The following PAN3 variants were observed in gnomAD, a reference collection of about 807,000 sequenced individuals.
PAN3 encodes the protein poly(A) specific ribonuclease subunit PAN3, also known as PAN2-PAN3 deadenylation complex subunit PAN3.
In PAN3, 19 loss-of-function variants were observed where a neutral mutation model predicts 96.2. The ratio of observed to expected loss-of-function variants is 0.20; its 90% CI spans 0.14 to 0.29. The LOEUF is 0.29. PAN3 is among the 10% of genes least tolerant of loss of function. PAN3 has a pLI of 1.00. For synonymous variants in PAN3, 433 were observed against 406.6 expected, an observed-to-expected ratio of 1.06 and a Z score of -0.78; for missense variants, 882 against 1,108.1, an observed-to-expected ratio of 0.80 and a Z score of 2.90.
At chr13:28,158,881 A>G in intron 1 of PAN3, among the ~76,000 whole-genome samples, 1 of 148,916 alleles carries the variant, frequency 6.7e-6, no homozygotes, top group African/African-American at 2.4e-5. Context: ...CCATCTCAGA[A>G]AAAAAAAAAA....
chr13:28,141,462 C>CTTTTTTTTTTTTTTTTTTT (rs759736683), intron 1 of PAN3, among the ~76,000 whole-genome samples: 2 of 90,350 alleles, frequency 2.2e-5, no homozygotes, highest in Non-Finnish European at 4.3e-5. Flanking sequence ...TTCTTTTTTT[C>CTTTTTTTTTTTTTTTTTTT]TTTTTTTTTT....
intron 6 of PAN3, among the ~76,000 whole-genome samples, chr13:28,221,646 CTT>C (rs1158475085): frequency 6.6e-6 from 1 of 152,074 alleles, no homozygotes; most frequent in Non-Finnish European, 1.5e-5. Context: ...CCCCACCATT[CTT>C]TCTCTTACTA....
intron 4 of PAN3, among the ~76,000 whole-genome samples, chr13:28,188,591 G>A (rs1876798731): frequency 6.6e-6 from 1 of 150,926 alleles, no homozygotes; most frequent in South Asian, 2.1e-4. Context: ...ACAGAAGACT[G>A]TCTAGAAAAA....
intron 17 of PAN3, among the ~76,000 whole-genome samples, chr13:28,281,780 T>C (rs1887490853): frequency 6.6e-6 from 1 of 151,120 alleles, no homozygotes; most frequent in Admixed American, 6.6e-5. Flanking sequence ...TTTTTTTTTT[T>C]TTTTTTCTTG....
chr13:28,160,815 G>A (rs375527358), intron 1 of PAN3, among the ~76,000 whole-genome samples: 1 of 152,104 alleles, frequency 6.6e-6, no homozygotes, highest in East Asian at 1.9e-4. Context: ...GAACTATATC[G>A]TTAGTTCTTT....
At chr13:28,187,725 A>G (rs1179056953) in intron 4 of PAN3, among the ~76,000 whole-genome samples, 4 of 152,050 alleles carry the variant, frequency 2.6e-5, no homozygotes, top group African/African-American at 9.7e-5. Context: ...CTCATTTTTT[A>G]CGTATTTTTG....
At chr13:28,249,214 C>A (rs914593127) in intron 6 of PAN3, among the ~76,000 whole-genome samples, 1 of 152,112 alleles carries the variant, frequency 6.6e-6, no homozygotes, top group African/African-American at 2.4e-5. Context: ...GCATAAGAAG[C>A]CATTGCTCGA....
chr13:28,199,790 G>A (rs982843614), intron 5 of PAN3, among the ~76,000 whole-genome samples: 1 of 151,192 alleles, frequency 6.6e-6, no homozygotes, highest in Non-Finnish European at 1.5e-5. Context: ...TTGTGTTTTC[G>A]ACATATACTA....
chr13:28,263,747 ACT>A (rs1406113926), intron 9 of PAN3, among the ~76,000 whole-genome samples: 1 of 152,066 alleles, frequency 6.6e-6, no homozygotes, highest in African/African-American at 2.4e-5. Flanking sequence ...GAACTCTAAA[ACT>A]CTTTCTGTAA....
At chr13:28,190,887 A>C (rs2138193093) in intron 4 of PAN3, among the ~76,000 whole-genome samples, 1 of 152,340 alleles carries the variant, frequency 6.6e-6, no homozygotes. Context: ...GGGGATTGGG[A>C]ATTTTGTTAT....
chr13:28,239,221 A>G (rs1883417749), intron 6 of PAN3, among the ~76,000 whole-genome samples: 1 of 141,150 alleles, frequency 7.1e-6, no homozygotes, highest in Admixed American at 7.5e-5. Context: ...ACACACACAC[A>G]CGGAAAGTAA....
chr13:28,197,328 C>T lies in PAN3; in HGVS notation c.834C>T (p.Val278=). The T allele has an allele frequency of 6.2e-7, 1 of 1,602,126 alleles. No homozygotes were observed. The highest frequency in any genetic ancestry group is 8.5e-7 in the Non-Finnish European group (1 of 1,174,542). The change falls in exon 5 of 19, where the codon GTC becomes GTT. Residue 278 remains valine, a synonymous_variant. Coordinates refer to ENST00000380958, the MANE Select transcript of PAN3 (RefSeq NM_175854.8). Reference sequence around the variant, plus strand: ...TCAATATGGTTTGGTGGAACAGAGTCACAGAAAACAATTTACAGGTAAAAA... The same window carrying T: ...TCAATATGGTTTGGTGGAACAGAGTTACAGAAAACAATTTACAGGTAAAAA... ...VPINMVWWNR[V]TENNLQTPNP...
At chr13:28,242,391 A>T (rs1464192132) in intron 6 of PAN3, among the ~76,000 whole-genome samples, 1 of 152,086 alleles carries the variant, frequency 6.6e-6, no homozygotes, top group Non-Finnish European at 1.5e-5. Context: ...CAACAAAATT[A>T]TTTTTTTGAA....
chr13:28,170,012 A>C (rs1309077924), intron 1 of PAN3, among the ~76,000 whole-genome samples: 1 of 152,098 alleles, frequency 6.6e-6, no homozygotes, highest in Non-Finnish European at 1.5e-5. Context: ...ACACCACTGC[A>C]CTCTAGCCTG....
At chr13:28,224,023 C>A (rs1052975939) in intron 6 of PAN3, among the ~76,000 whole-genome samples, 5 of 151,648 alleles carry the variant, frequency 3.3e-5, no homozygotes, top group Non-Finnish European at 5.9e-5. Context: ...CGCCCGCCAC[C>A]GCGCCCGGCT....
chr13:28,161,819 C>G (rs185836659), intron 1 of PAN3, among the ~76,000 whole-genome samples: 1 of 152,142 alleles, frequency 6.6e-6, no homozygotes, highest in African/African-American at 2.4e-5. Context: ...TGTGAACTTT[C>G]GAGGGAGTTC....
At chr13:28,266,647 T>G in intron 9 of PAN3, 68 bp from the exon 10 acceptor site, 1 of 1,266,138 alleles carries the variant, frequency 7.9e-7, no homozygotes, top group Non-Finnish European at 1.1e-6. Context: ...ATATCATGTC[T>G]TCTGTATTTT....
At chr13:28,204,150 C>T (rs1443955128) in intron 5 of PAN3, among the ~76,000 whole-genome samples, 1 of 152,166 alleles carries the variant, frequency 6.6e-6, no homozygotes, top group Non-Finnish European at 1.5e-5. Context: ...TCAGCCCAGA[C>T]ACCAAGCAGG....
At chr13:28,270,997 T>A in intron 13 of PAN3, 131 bp downstream of exon 13, 1 of 995,462 alleles carries the variant, frequency 1.0e-6, no homozygotes, top group Non-Finnish European at 1.4e-6. Context: ...AACTTTGAAT[T>A]CATTTGTAAG....
Sources: gnomAD v4.1 joint callset for allele counts (sites outside exome capture counted in the v4.1 genomes callset) on GRCh38, gnomAD v4.1.1 for gene constraint, MANE v1.5 for transcripts, NCBI Gene and HGNC (gene_info 2026-07-23, HGNC 2026-07-21) for gene names.